BICC1: variants seen among roughly 807,000 people sequenced by gnomAD.
The protein encoded by BICC1 is BicC family RNA binding protein 1.
BICC1 carries 43 observed loss-of-function variants against 111.0 expected under a neutral mutation model. The observed-to-expected ratio is 0.39, with a 90% CI of 0.30 to 0.50. BICC1 has a LOEUF of 0.50. BICC1 is among the 20% of genes least tolerant of loss of function. BICC1 has a pLI of 0.88. For synonymous variants in BICC1, 467 were observed against 434.4 expected (o/e 1.07, Z -0.93); for missense variants, 1,091 against 1,203.2 (o/e 0.91, Z 1.38).
chr10:58,759,831 C>A (rs1400544865), intron 3 of BICC1, among the ~76,000 whole-genome samples: 1 of 151,816 alleles, frequency 6.6e-6, no homozygotes, highest in Non-Finnish European at 1.5e-5. Context: ...TGGTGGTGGG[C>A]GCCTGTCGTC....
intron 1 of BICC1, among the ~76,000 whole-genome samples, chr10:58,518,030 G>A (rs1842288481): frequency 6.6e-6 from 1 of 152,276 alleles, no homozygotes; most frequent in South Asian, 2.1e-4. Flanking sequence ...CATGTGTTGA[G>A]TATACTTGTA....
intron 2 of BICC1, among the ~76,000 whole-genome samples, chr10:58,640,707 G>A (rs1016923257): frequency 2.0e-5 from 3 of 152,256 alleles, no homozygotes; most frequent in Admixed American, 2.0e-4. Flanking sequence ...CATGGATTCT[G>A]CCATTATGGA....
chr10:58,679,458 C>A (rs1365012059), intron 2 of BICC1, among the ~76,000 whole-genome samples: 3 of 152,112 alleles, frequency 2.0e-5, no homozygotes, highest in African/African-American at 4.8e-5. Context: ...AATTCCTGGA[C>A]ACATACACCC....
chr10:58,769,402 G>A (rs7477067), intron 3 of BICC1, among the ~76,000 whole-genome samples: 10,537 of 109,218 alleles, frequency 0.096, 769 homozygotes, highest in African/African-American at 0.2. Flanking sequence ...GTGTGTGTGT[G>A]TGTATATATA....
At chr10:58,775,678 T>A (rs577771690) in intron 3 of BICC1, among the ~76,000 whole-genome samples, 3 of 152,056 alleles carry the variant, frequency 2.0e-5, no homozygotes, top group Non-Finnish European at 4.4e-5. Context: ...TAATGCACAG[T>A]TGGGGAGAGG....
At chr10:58,725,979 G>A (rs1407779983) in intron 3 of BICC1, among the ~76,000 whole-genome samples, 1 of 152,190 alleles carries the variant, frequency 6.6e-6, no homozygotes, top group Non-Finnish European at 1.5e-5. Flanking sequence ...CAACTTTAAT[G>A]TTGATTGTTA....
chr10:58,825,954 C>T (rs889673807), intron 20 of BICC1, among the ~76,000 whole-genome samples: 30 of 151,102 alleles, frequency 2.0e-4, no homozygotes, highest in African/African-American at 7.1e-4. Flanking sequence ...TTGCCCACCA[C>T]GTCAAGATAA....
chr10:58,661,161 T>A lies in BICC1; in HGVS notation c.237+40260T>A, dbSNP rs562555284. Among the ~76,000 whole-genome samples, 192 of 152,140 alleles carry A rather than the reference T, an allele frequency of 1.3e-3. 1 individual carries two copies. The highest frequency in any genetic ancestry group is 4.4e-3 in the African/African-American group (183 of 41,514). On this transcript the variant is annotated intron_variant, in intron 2 of 20. Transcript: ENST00000373886. ...TGTCAGGTTTTTTAAGGGGGAAGAT[T>A]CTTATTTTCAAATTCGTAATTTTTT...
intron 3 of BICC1, among the ~76,000 whole-genome samples, chr10:58,773,973 C>G (rs1842684407): frequency 1.3e-5 from 2 of 152,170 alleles, no homozygotes; most frequent in Admixed American, 1.3e-4. Flanking sequence ...TCCTTTTTTT[C>G]CATTTATTCC....
intron 1 of BICC1, among the ~76,000 whole-genome samples, chr10:58,545,862 C>T (rs1263617076): frequency 2.6e-5 from 4 of 152,072 alleles, no homozygotes; most frequent in African/African-American, 9.7e-5. Context: ...CTGACTGGGG[C>T]TAATTGGAGT....
chr10:58,817,532 C>T, intron 18 of BICC1, 30 bp from the exon 19 acceptor site: 1 of 1,612,560 alleles, frequency 6.2e-7, no homozygotes, highest in Non-Finnish European at 8.5e-7. Flanking sequence ...GGCATTTACA[C>T]TTCAAGCCTG....
At chr10:58,804,751 T>C (rs1328430368) in intron 15 of BICC1, among the ~76,000 whole-genome samples, 2 of 152,144 alleles carry the variant, frequency 1.3e-5, no homozygotes, top group Non-Finnish European at 2.9e-5. Context: ...AATGTTTGAG[T>C]TTCAGCCTAA....
intron 2 of BICC1, among the ~76,000 whole-genome samples, chr10:58,676,712 C>G (rs1839353719): frequency 6.6e-6 from 1 of 152,194 alleles, no homozygotes; most frequent in South Asian, 2.1e-4. Flanking sequence ...GGCAGACTGC[C>G]TCCTCAAGTG....
intron 2 of BICC1, among the ~76,000 whole-genome samples, chr10:58,687,749 T>A (rs531510519): frequency 7.2e-5 from 11 of 152,242 alleles, no homozygotes; most frequent in African/African-American, 2.6e-4. Flanking sequence ...AGTGTCCTGA[T>A]TTTCCAGGTA....
chr10:58,777,483 T>A (rs1002597122), intron 3 of BICC1, among the ~76,000 whole-genome samples: 2 of 152,174 alleles, frequency 1.3e-5, no homozygotes, highest in Non-Finnish European at 2.9e-5. Flanking sequence ...TTTTATCCAA[T>A]TGGTAAACCA....
chr10:58,573,122 T>G (rs984629693), intron 1 of BICC1, among the ~76,000 whole-genome samples: 9 of 152,128 alleles, frequency 5.9e-5, no homozygotes, highest in African/African-American at 2.2e-4. Context: ...TGCTTGGCTC[T>G]CTCCCATTCT....
At chr10:58,535,554 C>T (rs957540190) in intron 1 of BICC1, among the ~76,000 whole-genome samples, 7 of 151,674 alleles carry the variant, frequency 4.6e-5, no homozygotes, top group Non-Finnish European at 1.0e-4. Flanking sequence ...AATACTAGAC[C>T]AATGTTACAA....
chr10:58,623,958 A>G (rs1037807377), intron 2 of BICC1, among the ~76,000 whole-genome samples: 3 of 149,658 alleles, frequency 2.0e-5, no homozygotes, highest in Non-Finnish European at 3.0e-5. Context: ...ATTGTTAGGG[A>G]AAAAAAAAAG....
chr10:58,641,401 C>T (rs1055099381), intron 2 of BICC1, among the ~76,000 whole-genome samples: 1 of 151,918 alleles, frequency 6.6e-6, no homozygotes, highest in African/African-American at 2.4e-5. Context: ...GATTCAGAGG[C>T]AGATGTTTGT....
Sources: allele counts gnomAD v4.1 joint callset (sites outside exome capture counted in the v4.1 genomes callset), GRCh38; gene constraint gnomAD v4.1.1; transcripts MANE v1.5; gene names NCBI Gene and HGNC (gene_info 2026-07-23, HGNC 2026-07-21).